The following CTNND2 variants were observed in gnomAD, a reference collection of about 807,000 sequenced individuals.
CTNND2 encodes catenin delta 2.
Under a neutral mutation model 144.4 loss-of-function variants are expected in CTNND2, and 22 were observed. That is an observed-to-expected ratio of 0.15 (90% CI 0.11 to 0.22). CTNND2 has a LOEUF of 0.22. CTNND2 is among the 10% of genes least tolerant of loss of function. CTNND2 has a pLI of 1.00. For synonymous variants in CTNND2, 751 were observed against 695.6 expected (o/e 1.08, Z -1.25); for missense variants, 1,353 against 1,618.8 (o/e 0.84, Z 2.82).
At chr5:11,485,601 C>T (rs1768747572) in intron 3 of CTNND2, among the ~76,000 whole-genome samples, 1 of 152,200 alleles carries the variant, frequency 6.6e-6, no homozygotes, top group Non-Finnish European at 1.5e-5. Flanking sequence ...TCCAGATAAA[C>T]TCATAGGCAT....
intron 9 of CTNND2, among the ~76,000 whole-genome samples, chr5:11,253,057 C>T (rs75746523): frequency 6.6e-6 from 1 of 152,248 alleles, no homozygotes; most frequent in East Asian, 1.9e-4. Flanking sequence ...TCTCAGGCAA[C>T]CTCAGTCTGA....
At chr5:11,566,487 A>C (rs1307431698) in intron 2 of CTNND2, among the ~76,000 whole-genome samples, 2 of 152,128 alleles carry the variant, frequency 1.3e-5, no homozygotes, top group African/African-American at 4.8e-5. Flanking sequence ...TAGACTTCTT[A>C]ACGTATTGCA....
intron 3 of CTNND2, among the ~76,000 whole-genome samples, chr5:11,539,744 C>T (rs527544755): frequency 1.3e-5 from 2 of 152,308 alleles, no homozygotes; most frequent in East Asian, 1.9e-4. Flanking sequence ...TTTAAAATTA[C>T]CATTGTGGGC....
At chr5:11,097,210 C>T (rs1037639679) in intron 15 of CTNND2, among the ~76,000 whole-genome samples, 9 of 152,150 alleles carry the variant, frequency 5.9e-5, no homozygotes, top group Admixed American at 2.6e-4. Flanking sequence ...TCCTAGATCA[C>T]GCTAAATTTA....
At chr5:11,489,562 C>G (rs6892922) in intron 3 of CTNND2, among the ~76,000 whole-genome samples, 6,298 of 152,224 alleles carry the variant, frequency 0.041, 443 homozygotes, top group African/African-American at 0.14. Context: ...CTTTCCAACA[C>G]ACAGTTTTAC....
intron 3 of CTNND2, among the ~76,000 whole-genome samples, chr5:11,527,129 T>G (rs753260966): frequency 5.9e-5 from 9 of 151,996 alleles, no homozygotes; most frequent in Non-Finnish European, 1.3e-4. Flanking sequence ...ATGAAAAAAT[T>G]CTGGAAATGG....
intron 2 of CTNND2, among the ~76,000 whole-genome samples, chr5:11,727,669 T>G (rs1581784959): frequency 1.3e-5 from 2 of 152,218 alleles, no homozygotes; most frequent in Admixed American, 6.5e-5. Context: ...ACTAAACGAA[T>G]ATAAACTTCA....
At chr5:11,153,647 T>G (rs1340434817) in intron 12 of CTNND2, among the ~76,000 whole-genome samples, 1 of 152,154 alleles carries the variant, frequency 6.6e-6, no homozygotes, top group Non-Finnish European at 1.5e-5. Context: ...CTGAGTTTAA[T>G]TACAATCGTA....
At chr5:11,127,808 T>C (rs934857220) in intron 12 of CTNND2, among the ~76,000 whole-genome samples, 7 of 152,108 alleles carry the variant, frequency 4.6e-5, no homozygotes, top group Admixed American at 1.3e-4. Context: ...ATTTGGATGA[T>C]TCAGATTTTG....
intron 11 of CTNND2, among the ~76,000 whole-genome samples, chr5:11,191,280 G>T (rs61751803): frequency 6.5e-4 from 99 of 152,286 alleles, no homozygotes; most frequent in African/African-American, 2.2e-3. Flanking sequence ...AAAAAGCAGA[G>T]AAATCACTGT....
intron 2 of CTNND2, among the ~76,000 whole-genome samples, chr5:11,665,194 A>T (rs1783493886): frequency 6.6e-6 from 1 of 152,148 alleles, no homozygotes; most frequent in South Asian, 2.1e-4. Context: ...TTAATAGAGA[A>T]ATTGTGTAGC....
chr5:11,013,868 G>A (rs1741340820), intron 18 of CTNND2, among the ~76,000 whole-genome samples: 1 of 152,176 alleles, frequency 6.6e-6, no homozygotes, highest in South Asian at 2.1e-4. Flanking sequence ...GCCCGAGACT[G>A]GCAACTTCTG....
chr5:11,742,780 C>T (rs1164036869), intron 1 of CTNND2, among the ~76,000 whole-genome samples: 1 of 152,058 alleles, frequency 6.6e-6, no homozygotes, highest in Non-Finnish European at 1.5e-5. Context: ...TTTAAAGACT[C>T]CTACTACGTA....
chr5:11,710,033 T>G (rs1785934279), intron 2 of CTNND2, among the ~76,000 whole-genome samples: 1 of 152,114 alleles, frequency 6.6e-6, no homozygotes, highest in Admixed American at 6.6e-5. Context: ...TATAAGAGAT[T>G]AACTTAAACC....
At chr5:11,205,368 A>AT (rs1461250631) in intron 10 of CTNND2, among the ~76,000 whole-genome samples, 2 of 152,082 alleles carry the variant, frequency 1.3e-5, no homozygotes, top group African/African-American at 2.4e-5. Context: ...GAATGCGGTG[A>AT]TTTTTTTGCT....
chr5:11,060,026 C>T (rs942635632), intron 16 of CTNND2, among the ~76,000 whole-genome samples: 8 of 152,040 alleles, frequency 5.3e-5, no homozygotes, highest in Admixed American at 1.3e-4. Context: ...GTCTAATGGT[C>T]CTCTATCAAT....
intron 1 of CTNND2, among the ~76,000 whole-genome samples, chr5:11,814,258 T>A (rs1181620455): frequency 6.6e-6 from 1 of 152,240 alleles, no homozygotes; most frequent in Non-Finnish European, 1.5e-5. Context: ...GAATGTATCT[T>A]TGTGTATCTA....
intron 1 of CTNND2, among the ~76,000 whole-genome samples, chr5:11,750,774 G>T (rs1374266375): frequency 2.6e-5 from 4 of 151,606 alleles, no homozygotes; most frequent in Non-Finnish European, 4.4e-5. Context: ...ACATTAGCTA[G>T]TCTAGACTAG....
In CTNND2 at chr5:10,988,209, C is replaced by T; in HGVS notation, c.3245G>A (p.Ser1082Asn). The stretch of plus-strand genomic sequence containing the variant: ...GTAGTCTGTTTTCCTTTCTTTGAGG[C>T]TGATCATTTCCCGAGGTGAAGCTGG... Reference protein sequence around the residue: ...SAPASPREMISLKERKTDYEC... With the variant: ...SAPASPREMINLKERKTDYEC... Residue 1082 changes from serine to asparagine, a missense_variant, in exon 20 of 22, where the codon AGC becomes AAC. Coordinates refer to ENST00000304623, the MANE Select transcript of CTNND2 (RefSeq NM_001332.4). The surrounding 1 kb of genome is among the most constrained non-coding windows in gnomAD (Gnocchi z 5.9). 1 of 1,614,200 alleles carries T rather than the reference C, an allele frequency of 6.2e-7. No homozygotes were observed. Among genetic ancestry groups the T allele is most frequent in the Non-Finnish European group, 8.5e-7 (1 of 1,180,016 alleles).
Sources: allele counts gnomAD v4.1 joint callset (sites outside exome capture counted in the v4.1 genomes callset), GRCh38; gene constraint gnomAD v4.1.1; non-coding constraint Gnocchi (gnomAD v3.1); transcripts MANE v1.5; gene names NCBI Gene and HGNC (gene_info 2026-07-23, HGNC 2026-07-21).